Variants in ADCY9 observed in about 807,000 individuals in gnomAD.
ADCY9 encodes adenylate cyclase type 9.
Under a neutral mutation model 101.5 loss-of-function variants are expected in ADCY9, and 50 were observed. The observed-to-expected ratio is 0.49, with a 90% CI of 0.39 to 0.62. The LOEUF is 0.62. ADCY9 is among the 20% of genes least tolerant of loss of function. The pLI, the probability that ADCY9 is intolerant of heterozygous loss-of-function variation, is 0.00. For synonymous variants in ADCY9, 905 were observed against 769.3 expected (o/e 1.18, Z -2.92); for missense variants, 1,662 against 1,800.4 (o/e 0.92, Z 1.39).
intron 10 of ADCY9, among the ~76,000 whole-genome samples, chr16:3,969,459 A>C (rs1434118236): frequency 1.4e-5 from 2 of 143,412 alleles, no homozygotes; most frequent in East Asian, 2.1e-4. Flanking sequence ...GGCTGGTCTC[A>C]AACTCCTGAC....
At chr16:4,101,715 C>A (rs1452818578) in intron 2 of ADCY9, among the ~76,000 whole-genome samples, 2 of 152,056 alleles carry the variant, frequency 1.3e-5, no homozygotes, top group Non-Finnish European at 2.9e-5. Context: ...AATGAATAAA[C>A]AAATGAGTTT....
At chr16:4,013,185 C>G (rs1055535867) in intron 2 of ADCY9, among the ~76,000 whole-genome samples, 4 of 151,792 alleles carry the variant, frequency 2.6e-5, no homozygotes, top group Non-Finnish European at 5.9e-5. Context: ...GAGGTTGAGG[C>G]TGCAGTGAGC....
rs117180024 is a variant in ADCY9, at chr16:4,016,253, T to C, written c.1694-8695A>G. Among the ~76,000 whole-genome samples the C allele has an allele frequency of 1.2e-4, 18 of 152,216 alleles. No homozygotes were observed. The East Asian group carries it at 3.5e-3, about 29-fold the overall frequency. On this transcript the variant is annotated intron_variant, in intron 2 of 10. Coordinates refer to ENST00000294016, the MANE Select transcript of ADCY9 (RefSeq NM_001116.4). ...TGAGTTGCAGACAACAAAATGGAAATGAAGGTCTGCAATAACTATTAAGAA... is the reference window on the plus strand; with the variant it reads ...TGAGTTGCAGACAACAAAATGGAAACGAAGGTCTGCAATAACTATTAAGAA...
intron 2 of ADCY9, among the ~76,000 whole-genome samples, chr16:4,103,136 C>T (rs1292972322): frequency 1.3e-5 from 2 of 152,210 alleles, no homozygotes; most frequent in Non-Finnish European, 2.9e-5. Context: ...AGGTCACTTG[C>T]TATTTCCACA....
chr16:4,093,112 G>A (rs1462798882), intron 2 of ADCY9, among the ~76,000 whole-genome samples: 1 of 152,176 alleles, frequency 6.6e-6, no homozygotes, highest in African/African-American at 2.4e-5. Context: ...TTATGAAAGT[G>A]CTTTATCTAT....
intron 3 of ADCY9, among the ~76,000 whole-genome samples, chr16:3,993,931 G>C (rs1369721406): frequency 6.6e-6 from 1 of 152,176 alleles, no homozygotes; most frequent in African/African-American, 2.4e-5. Flanking sequence ...TTCAGAAAAG[G>C]TGAATCCTTG....
chr16:4,023,946 C>T (rs1159206864), intron 2 of ADCY9, among the ~76,000 whole-genome samples: 1 of 152,112 alleles, frequency 6.6e-6, no homozygotes, highest in African/African-American at 2.4e-5. Flanking sequence ...ATGCTAGGCA[C>T]ACACAAGAGC....
intron 2 of ADCY9, among the ~76,000 whole-genome samples, chr16:4,107,141 C>G (rs889449400): frequency 1.3e-5 from 2 of 152,224 alleles, no homozygotes; most frequent in African/African-American, 4.8e-5. Context: ...GTCGACTCTA[C>G]TGCTGTTTTC....
chr16:3,977,231 T>G lies in ADCY9; in HGVS notation c.2828+251A>C, dbSNP rs140629884. Among the ~76,000 whole-genome samples the G allele has an allele frequency of 6.2e-4, 94 of 152,372 alleles. 2 individuals carry two copies. In the East Asian group the frequency reaches 0.011, roughly 17 times the overall value. On this transcript the variant is annotated intron_variant, in intron 9 of 10. Transcript: ENST00000294016. ...TATAATGCAATGGCAGCATTATGTT[T>G]TCCAGGATGTCTACATTCAACTACC...
intron 2 of ADCY9, among the ~76,000 whole-genome samples, chr16:4,051,001 T>TA (rs1318552724): frequency 5.4e-5 from 8 of 149,442 alleles, no homozygotes; most frequent in African/African-American, 1.7e-4. Flanking sequence ...TCACCTGAGG[T>TA]TACAAGTTGG....
At chr16:3,997,012 C>T (rs1385710376) in intron 3 of ADCY9, among the ~76,000 whole-genome samples, 1 of 152,040 alleles carries the variant, frequency 6.6e-6, no homozygotes, top group Non-Finnish European at 1.5e-5. Flanking sequence ...TTACAGGCGC[C>T]CACCACCACG....
At chr16:3,989,680 T>C (rs994938951) in intron 5 of ADCY9, among the ~76,000 whole-genome samples, 1 of 152,200 alleles carries the variant, frequency 6.6e-6, no homozygotes, top group Admixed American at 6.5e-5. Flanking sequence ...AGGCTTGTTT[T>C]TGAAAACACA....
chr16:4,040,948 G>A (rs1218458886), intron 2 of ADCY9, among the ~76,000 whole-genome samples: 2 of 152,116 alleles, frequency 1.3e-5, no homozygotes, highest in Non-Finnish European at 2.9e-5. Context: ...ACATGGGAGG[G>A]TGGAAACAGC....
intron 2 of ADCY9, among the ~76,000 whole-genome samples, chr16:4,106,356 G>A (rs551433173): frequency 1.1e-4 from 17 of 152,106 alleles, no homozygotes; most frequent in Non-Finnish European, 2.2e-4. Context: ...CACGGATGGC[G>A]GCCCCACATC....
At chr16:3,968,808 A>C (rs2056021823) in intron 10 of ADCY9, among the ~76,000 whole-genome samples, 2 of 151,972 alleles carry the variant, frequency 1.3e-5, no homozygotes, top group Non-Finnish European at 1.5e-5. Flanking sequence ...AGAAATTTCC[A>C]AATTGCCCTT....
intron 2 of ADCY9, among the ~76,000 whole-genome samples, chr16:4,079,909 T>C: frequency 6.6e-6 from 1 of 152,098 alleles, no homozygotes; most frequent in Non-Finnish European, 1.5e-5. Context: ...ACCAAAAACA[T>C]GTTTTACTTT....
intron 2 of ADCY9, among the ~76,000 whole-genome samples, chr16:4,011,483 C>T (rs549839235): frequency 4.0e-4 from 61 of 152,232 alleles, no homozygotes; most frequent in African/African-American, 1.3e-3. Context: ...TTGGGAGGCA[C>T]GGGAGTCAGG....
chr16:4,014,268 G>A (rs542966031), intron 2 of ADCY9, among the ~76,000 whole-genome samples: 57 of 149,608 alleles, frequency 3.8e-4, no homozygotes, highest in Non-Finnish European at 6.5e-4. Context: ...GCAGTCAGCC[G>A]AGATCGCACC....
In ADCY9 at chr16:3,992,967, C is replaced by T. The variant is rs751887982; in HGVS notation, c.1989+439G>A. ...TCTCGCGGGTGGGCTGAGTCCTGGC[C>T]CTGGTGTCCAAGTCTGGTTTTCCTG... On this transcript the variant is annotated intron_variant, in intron 4 of 10. Transcript: ENST00000294016. This position sits in a 1 kb window ranked among gnomAD's most constrained non-coding sequence, Gnocchi z 4.2. Among the ~76,000 whole-genome samples the T allele has an allele frequency of 1.2e-4, 19 of 152,062 alleles. No homozygotes were observed. The highest frequency in any genetic ancestry group is 2.9e-4 in the African/African-American group (12 of 41,400).
Sources: allele counts gnomAD v4.1 joint callset (sites outside exome capture counted in the v4.1 genomes callset), GRCh38; gene constraint gnomAD v4.1.1; non-coding constraint Gnocchi (gnomAD v3.1); transcripts MANE v1.5; gene names NCBI Gene and HGNC (gene_info 2026-07-23, HGNC 2026-07-21).